The following PSMB7 variants were observed in gnomAD, a reference collection of about 807,000 sequenced individuals.
PSMB7 encodes the protein proteasome subunit beta type-7.
In PSMB7, 5 loss-of-function variants were observed where a neutral mutation model predicts 28.1. The observed-to-expected ratio is 0.18, with a 90% CI of 0.09 to 0.37. The LOEUF (loss-of-function observed/expected upper bound fraction) is 0.37, where lower values mean the gene tolerates loss of function less well. Ranked by LOEUF, PSMB7 falls within the 10% of genes least tolerant of loss-of-function variation. PSMB7 has a pLI of 1.00. For missense variants in PSMB7, 275 were observed against 346.2 expected (o/e 0.79, Z 1.63); for synonymous variants, 122 against 123.7 (o/e 0.99, Z 0.09).
intron 4 of PSMB7, among the ~76,000 whole-genome samples, chr9:124,406,227 G>C (rs943237637): frequency 2.0e-5 from 3 of 151,992 alleles, no homozygotes; most frequent in Non-Finnish European, 4.4e-5. Flanking sequence ...CAAAGGCCAG[G>C]CATGGTGGCT....
At chr9:124,398,010 A>G (rs1252600316) in intron 5 of PSMB7, among the ~76,000 whole-genome samples, 1 of 152,212 alleles carries the variant, frequency 6.6e-6, no homozygotes, top group Non-Finnish European at 1.5e-5. Flanking sequence ...TCTACTAAAA[A>G]TACAAAAATT....
At chr9:124,382,200 C>CT (rs1164339420) in intron 6 of PSMB7, among the ~76,000 whole-genome samples, 21,079 of 55,970 alleles carry the variant, frequency 0.38, 5,187 homozygotes, top group Non-Finnish European at 0.44. Flanking sequence ...TCTCTTTTCT[C>CT]TTTTTTTTTT....
chr9:124,415,261 A>G (rs1262623432), intron 1 of PSMB7, 103 bp downstream of exon 1: 2 of 1,292,158 alleles, frequency 1.5e-6, no homozygotes, highest in Non-Finnish European at 2.2e-6. Flanking sequence ...AGGCCCCGCC[A>G]TGAATTCTTC....
intron 6 of PSMB7, among the ~76,000 whole-genome samples, chr9:124,381,056 T>C (rs937919734): frequency 6.6e-6 from 1 of 152,234 alleles, no homozygotes; most frequent in Non-Finnish European, 1.5e-5. Flanking sequence ...AAAAGCTTCT[T>C]GTATTAAGTC....
intron 5 of PSMB7, among the ~76,000 whole-genome samples, chr9:124,393,997 G>C (rs572017114): frequency 1.0e-3 from 153 of 152,340 alleles, no homozygotes; most frequent in African/African-American, 3.6e-3. Context: ...CTGCCCTGCT[G>C]CCGCAGGAAC....
intron 6 of PSMB7, among the ~76,000 whole-genome samples, chr9:124,363,295 C>T (rs577870500): frequency 6.6e-6 from 1 of 152,302 alleles, no homozygotes; most frequent in South Asian, 2.1e-4. Flanking sequence ...TTGTTGGGGG[C>T]CTGCTGACAG....
At chr9:124,378,706 AAATAG>A (rs1195083651) in intron 6 of PSMB7, among the ~76,000 whole-genome samples, 1 of 152,256 alleles carries the variant, frequency 6.6e-6, no homozygotes, top group South Asian at 2.1e-4. Context: ...TCTTACAAAG[AAATAG>A]AATAGAAGGA....
chr9:124,407,351 A>G (rs1404641580), intron 4 of PSMB7, among the ~76,000 whole-genome samples: 1 of 152,202 alleles, frequency 6.6e-6, no homozygotes, highest in Non-Finnish European at 1.5e-5. Context: ...TTCCTAGGAA[A>G]AGATTTTAGC....
intron 6 of PSMB7, among the ~76,000 whole-genome samples, chr9:124,382,745 T>C (rs1201856951): frequency 6.6e-6 from 1 of 152,210 alleles, no homozygotes; most frequent in African/African-American, 2.4e-5. Flanking sequence ...GAAAGGATGC[T>C]GACATTCCCC....
chr9:124,382,887 T>A (rs535465693), intron 6 of PSMB7, among the ~76,000 whole-genome samples: 79 of 152,294 alleles, frequency 5.2e-4, no homozygotes, highest in African/African-American at 1.9e-3. Context: ...ACTCTCAACT[T>A]TTCCTACAAT....
At chr9:124,391,241 C>T (rs973234322) in intron 5 of PSMB7, among the ~76,000 whole-genome samples, 1 of 152,216 alleles carries the variant, frequency 6.6e-6, no homozygotes, top group Non-Finnish European at 1.5e-5. Context: ...AGATAAGGAA[C>T]GTGCCCAGAT....
intron 6 of PSMB7, among the ~76,000 whole-genome samples, chr9:124,381,160 G>A (rs1830660995): frequency 6.6e-6 from 1 of 152,330 alleles, no homozygotes; most frequent in East Asian, 1.9e-4. Flanking sequence ...GGACAGTGCA[G>A]CTAGAGATGA....
chr9:124,392,941 C>G (rs549227887), intron 5 of PSMB7, among the ~76,000 whole-genome samples: 42 of 152,250 alleles, frequency 2.8e-4, no homozygotes, highest in African/African-American at 1.0e-3. Context: ...CTTTCTAATC[C>G]ATCAGTGTCA....
intron 5 of PSMB7, among the ~76,000 whole-genome samples, chr9:124,389,054 CT>C (rs1830756775): frequency 1.3e-5 from 2 of 152,178 alleles, no homozygotes; most frequent in Non-Finnish European, 2.9e-5. Context: ...TAAGCTGCCC[CT>C]GAAGGTGTGA....
chr9:124,386,954 AC>A (rs1830727405), intron 5 of PSMB7, among the ~76,000 whole-genome samples: 1 of 152,166 alleles, frequency 6.6e-6, no homozygotes, highest in Admixed American at 6.5e-5. Flanking sequence ...TTTCTTTAAA[AC>A]CTTTTTCCTG....
rs554819149 is a variant in PSMB7 at position 124,364,962 on chromosome 9, T to C, written c.571-8047A>G. On this transcript the variant is annotated intron_variant, in intron 6 of 7. Transcript: ENST00000259457. ...AGGCTATCACAGGCACTGTGTTATA[T>C]GACATGATCCTTCTTCCACAGCCTG... Among the ~76,000 whole-genome samples the C allele has an allele frequency of 2.6e-5, 4 of 152,346 alleles. No individual in the cohort carries two copies. In the East Asian group the frequency reaches 5.8e-4, roughly 22 times the overall value.
At chr9:124,380,208 T>C (rs540954472) in intron 6 of PSMB7, among the ~76,000 whole-genome samples, 2 of 152,340 alleles carry the variant, frequency 1.3e-5, no homozygotes, top group Admixed American at 6.5e-5. Context: ...TCCCCCAAAG[T>C]TTAATCCCTG....
chr9:124,403,322 C>T (rs1227049787), intron 5 of PSMB7, among the ~76,000 whole-genome samples: 1 of 151,660 alleles, frequency 6.6e-6, no homozygotes, highest in Admixed American at 6.6e-5. Flanking sequence ...CCCAGGAGTT[C>T]GAGACCAACC....
intron 5 of PSMB7, among the ~76,000 whole-genome samples, chr9:124,387,355 A>G (rs1294843418): frequency 2.0e-5 from 3 of 152,246 alleles, no homozygotes; most frequent in Non-Finnish European, 2.9e-5. Context: ...TCTTGGAACA[A>G]AAGAGTTTCT....
Sources: gnomAD v4.1 joint callset for allele counts (sites outside exome capture counted in the v4.1 genomes callset) on GRCh38, gnomAD v4.1.1 for gene constraint, MANE v1.5 for transcripts, NCBI Gene and HGNC (gene_info 2026-07-23, HGNC 2026-07-21) for gene names.